Variants in NALF1 observed in about 807,000 individuals in gnomAD.
The protein encoded by NALF1 is family with sequence similarity 155 member A.
In NALF1, 3 loss-of-function variants were observed where a neutral mutation model predicts 48.4. That is an observed-to-expected ratio of 0.06 (90% CI 0.03 to 0.16). The LOEUF (loss-of-function observed/expected upper bound fraction) is 0.16, where lower values mean the gene tolerates loss of function less well. Among genes scored for constraint, NALF1 ranks in the 10% least tolerant of loss-of-function variants. NALF1 has a pLI of 1.00. For synonymous variants in NALF1, 262 were observed against 245.7 expected, an observed-to-expected ratio of 1.07 and a Z score of -0.62; for missense variants, 526 against 571.5, an observed-to-expected ratio of 0.92 and a Z score of 0.81.
At position 107,170,480 on chromosome 13, in the gene NALF1, T is replaced by C; in HGVS notation, c.*17A>G. ...CACGGCGGGCCAGCTGCTGCTGTGGTGACACTCGTCCTTCCGTTACTCCTC... is the reference window on the plus strand; with the variant it reads ...CACGGCGGGCCAGCTGCTGCTGTGGCGACACTCGTCCTTCCGTTACTCCTC... On this transcript the variant is annotated 3_prime_UTR_variant, in exon 3 of 3. Coordinates refer to ENST00000375915, the MANE Select transcript of NALF1 (RefSeq NM_001080396.3). 1 of 1,570,448 alleles carries C rather than the reference T, an allele frequency of 6.4e-7. No individual in the cohort carries two copies. The highest frequency in any genetic ancestry group is 8.6e-7 in the Non-Finnish European group (1 of 1,157,322).
chr13:107,491,285 G>T (rs1460782816), intron 1 of NALF1, among the ~76,000 whole-genome samples: 4 of 152,200 alleles, frequency 2.6e-5, no homozygotes, highest in African/African-American at 9.7e-5. Flanking sequence ...GACTTTGTCA[G>T]TTACAAGATG....
chr13:107,393,666 G>T (rs1369846778), intron 1 of NALF1, among the ~76,000 whole-genome samples: 1 of 152,000 alleles, frequency 6.6e-6, no homozygotes, highest in East Asian at 1.9e-4. Context: ...AACAGGGTAG[G>T]GATTATGTTA....
At chr13:107,325,953 T>C (rs12866775) in intron 1 of NALF1, among the ~76,000 whole-genome samples, 1 of 146,586 alleles carries the variant, frequency 6.8e-6, no homozygotes, top group African/African-American at 2.5e-5. Flanking sequence ...TATATACATA[T>C]ATATACACAC....
At chr13:107,200,286 A>G (rs9587318) in intron 2 of NALF1, among the ~76,000 whole-genome samples, 32,318 of 152,110 alleles carry the variant, frequency 0.21, 6,073 homozygotes, top group African/African-American at 0.51. Context: ...ACAGACGGGC[A>G]TCCCAGGCAG....
At chr13:107,755,205 C>A (rs1877060646) in intron 1 of NALF1, among the ~76,000 whole-genome samples, 1 of 152,108 alleles carries the variant, frequency 6.6e-6, no homozygotes, top group Admixed American at 6.5e-5. Flanking sequence ...CACAGTCCTG[C>A]CTACGGCTCC....
At chr13:107,786,552 G>A (rs925119845) in intron 1 of NALF1, among the ~76,000 whole-genome samples, 2 of 150,178 alleles carry the variant, frequency 1.3e-5, no homozygotes, top group South Asian at 2.1e-4. Context: ...CCAACATGGC[G>A]AAACCCCATC....
At chr13:107,190,323 A>C (rs1237575967) in intron 2 of NALF1, among the ~76,000 whole-genome samples, 2 of 152,176 alleles carry the variant, frequency 1.3e-5, no homozygotes, top group Non-Finnish European at 2.9e-5. Flanking sequence ...AGAAAACCAG[A>C]CTTTCTGTGT....
intron 1 of NALF1, among the ~76,000 whole-genome samples, chr13:107,753,311 A>G (rs1003271953): frequency 5.3e-5 from 8 of 152,100 alleles, no homozygotes; most frequent in African/African-American, 1.9e-4. Flanking sequence ...TCTTTCATTA[A>G]TTGTGCAATA....
intron 1 of NALF1, among the ~76,000 whole-genome samples, chr13:107,555,573 GCGTGAGCTACCA>G (rs1284168062): frequency 2.0e-5 from 3 of 150,918 alleles, no homozygotes; most frequent in Non-Finnish European, 4.4e-5. Context: ...GAGATTATAG[GCGTGAGCTACCA>G]CGCCCAGCCA....
At chr13:107,438,108 T>G (rs1884492429) in intron 1 of NALF1, among the ~76,000 whole-genome samples, 1 of 152,202 alleles carries the variant, frequency 6.6e-6, no homozygotes, top group Non-Finnish European at 1.5e-5. Flanking sequence ...GTTTTAAAAA[T>G]TATAAACCTT....
chr13:107,194,052 C>CTATCTATCTATT (rs1879341846), intron 2 of NALF1, among the ~76,000 whole-genome samples: 2 of 80,550 alleles, frequency 2.5e-5, no homozygotes, highest in Non-Finnish European at 5.5e-5. Flanking sequence ...ATCTATCTAT[C>CTATCTATCTATT]TATCTATATA....
chr13:107,407,958 C>A (rs781766135), intron 1 of NALF1, among the ~76,000 whole-genome samples: 1 of 152,006 alleles, frequency 6.6e-6, no homozygotes, highest in African/African-American at 2.4e-5. Context: ...CAACAACACG[C>A]ATGGAACTGG....
At chr13:107,375,669 T>C (rs1251325270) in intron 1 of NALF1, among the ~76,000 whole-genome samples, 1 of 152,132 alleles carries the variant, frequency 6.6e-6, no homozygotes, top group Non-Finnish European at 1.5e-5. Context: ...ATGAGAATGC[T>C]ATAAAGAAAA....
intron 1 of NALF1, among the ~76,000 whole-genome samples, chr13:107,640,157 A>T (rs551774881): frequency 6.6e-6 from 1 of 152,242 alleles, no homozygotes; most frequent in East Asian, 1.9e-4. Flanking sequence ...ATTAAAAGAA[A>T]CTTCTGCCAA....
At chr13:107,833,710 T>C (rs1879808282) in intron 1 of NALF1, among the ~76,000 whole-genome samples, 1 of 152,318 alleles carries the variant, frequency 6.6e-6, no homozygotes. Flanking sequence ...AGTTAAAATG[T>C]TGAAAGAAAG....
In NALF1 at chr13:107,704,737, C is replaced by T. The variant is rs143531549; in HGVS notation, c.915+160945G>A. 1.5e-3 allele frequency among the ~76,000 whole-genome samples: 221 copies of T among 152,282 alleles called. 2 individuals carry two copies. The highest frequency in any genetic ancestry group is 2.7e-3 in the Non-Finnish European group (187 of 68,020). ...TAAGAGGACAGGGAACCCCACCTTTCAGTGTGTAGAATATGATATATTCAT... is the reference window on the plus strand; with the variant it reads ...TAAGAGGACAGGGAACCCCACCTTTTAGTGTGTAGAATATGATATATTCAT... On this transcript the variant is annotated intron_variant, in intron 1 of 2. Transcript: ENST00000375915.
At chr13:107,538,502 T>C (rs1399677763) in intron 1 of NALF1, among the ~76,000 whole-genome samples, 5 of 152,186 alleles carry the variant, frequency 3.3e-5, no homozygotes, top group Non-Finnish European at 7.3e-5. Context: ...GCCAAGTAAA[T>C]GAAGGACCTA....
chr13:107,178,339 G>A (rs1198299443), intron 2 of NALF1, among the ~76,000 whole-genome samples: 2 of 152,170 alleles, frequency 1.3e-5, no homozygotes, highest in African/African-American at 4.8e-5. Context: ...TACATAAGGG[G>A]CTGAAACAAT....
chr13:107,599,879 C>T (rs1317681476), intron 1 of NALF1, among the ~76,000 whole-genome samples: 1 of 152,112 alleles, frequency 6.6e-6, no homozygotes, highest in African/African-American at 2.4e-5. Context: ...AGGCTAATTA[C>T]ATGGGTCATA....
Sources: gnomAD v4.1 joint callset for allele counts (sites outside exome capture counted in the v4.1 genomes callset) on GRCh38, gnomAD v4.1.1 for gene constraint, MANE v1.5 for transcripts, NCBI Gene and HGNC (gene_info 2026-07-23, HGNC 2026-07-21) for gene names.